Variants in IQGAP1 observed in about 807,000 individuals in gnomAD.
IQGAP1 encodes the protein IQ motif containing GTPase activating protein 1.
A neutral mutation model predicts 215.6 loss-of-function variants in IQGAP1; 66 were observed. The observed-to-expected ratio is 0.31, with a 90% CI of 0.25 to 0.38. IQGAP1 has a LOEUF of 0.38. IQGAP1 is among the 10% of genes least tolerant of loss of function. The pLI is 1.00. For missense variants in IQGAP1, 1,712 were observed against 1,997.1 expected (o/e 0.86, Z 2.72); for synonymous variants, 772 against 728.7 (o/e 1.06, Z -0.96).
chr15:90,424,553 T>C (rs567063545), intron 2 of IQGAP1, among the ~76,000 whole-genome samples: 1 of 152,338 alleles, frequency 6.6e-6, no homozygotes, highest in East Asian at 1.9e-4. Flanking sequence ...AAAGCAAGAC[T>C]GAGCTGGGAA....
At chr15:90,488,262 A>AAATAAATC (rs1424757693) in intron 33 of IQGAP1, among the ~76,000 whole-genome samples, 1 of 151,502 alleles carries the variant, frequency 6.6e-6, no homozygotes, top group Non-Finnish European at 1.5e-5. Context: ...ATAAATAAAT[A>AAATAAATC]AAATGTTGTA....
At chr15:90,402,712 T>A (rs559668988) in intron 2 of IQGAP1, among the ~76,000 whole-genome samples, 1 of 151,912 alleles carries the variant, frequency 6.6e-6, no homozygotes, top group African/African-American at 2.4e-5. Context: ...TAACTGGTGA[T>A]CCTAAAAACA....
At chr15:90,416,744 A>G (rs1965056434) in intron 2 of IQGAP1, among the ~76,000 whole-genome samples, 2 of 151,778 alleles carry the variant, frequency 1.3e-5, no homozygotes, top group Admixed American at 1.3e-4. Flanking sequence ...CGCCCAGCTA[A>G]TTTTTTGTAT....
chr15:90,434,701 G>A (rs188284782), intron 5 of IQGAP1, among the ~76,000 whole-genome samples: 62 of 152,150 alleles, frequency 4.1e-4, no homozygotes, highest in Non-Finnish European at 4.4e-5. Flanking sequence ...GAAGTGTTTT[G>A]GATTTTGAAG....
At position 90,452,765 on chromosome 15, in the gene IQGAP1, T is replaced by C; in HGVS notation, c.1163-10T>C. 6.2e-7 allele frequency: 1 copy of C among 1,613,382 alleles called. No homozygotes were observed. ...GCCCACTGCGTTTCTGACTCCTGTT[T>C]TTTACACAGGATTGGCAGCAGTAGC... is the stretch of plus-strand genomic sequence containing the variant. On this transcript the variant is annotated splice_polypyrimidine_tract_variant and intron_variant, in intron 11 of 37. Transcript: ENST00000268182.
intron 29 of IQGAP1, 90 bp downstream of exon 29, chr15:90,483,683 T>C: frequency 1.1e-6 from 1 of 876,462 alleles, no homozygotes; most frequent in South Asian, 1.5e-5. Context: ...ACCTCTCACT[T>C]TCCCCGGACT....
At position 90,487,096 on chromosome 15, in the gene IQGAP1, A is replaced by T. The variant is rs1966137539; in HGVS notation, c.4160+7A>T. The T allele has an allele frequency of 6.2e-7, 1 of 1,613,750 alleles. No individual in the cohort carries two copies. Among genetic ancestry groups the T allele is most frequent in the South Asian group, 1.1e-5 (1 of 91,038 alleles). ...CTCGAACCATCTTACTGAAGTGAGTATCAAAAGAAGGAAGAATGAAATGAA... is the reference window on the plus strand; with the variant it reads ...CTCGAACCATCTTACTGAAGTGAGTTTCAAAAGAAGGAAGAATGAAATGAA... On this transcript the variant is annotated splice_region_variant and intron_variant, in intron 32 of 37. Coordinates refer to ENST00000268182, the MANE Select transcript of IQGAP1 (RefSeq NM_003870.4).
At chr15:90,446,240 AC>A (rs1436093160) in intron 9 of IQGAP1, among the ~76,000 whole-genome samples, 1 of 152,130 alleles carries the variant, frequency 6.6e-6, no homozygotes, top group Non-Finnish European at 1.5e-5. Context: ...TTATAGTTTT[AC>A]CTTGCTAATT....
chr15:90,414,177 G>A (rs960370441), intron 2 of IQGAP1, among the ~76,000 whole-genome samples: 3 of 152,020 alleles, frequency 2.0e-5, no homozygotes, highest in Non-Finnish European at 4.4e-5. Flanking sequence ...GAAGTTGGCT[G>A]GGTGCAGTGA....
In IQGAP1 at chr15:90,453,265, C is replaced by T. The variant is rs1312776033; in HGVS notation, c.1460C>T (p.Thr487Ile). Residue 487 changes from threonine to isoleucine, a missense_variant, in exon 13 of 38, where the codon ACC becomes ATC. By Grantham distance (89) the Thr-to-Ile change is moderately conservative. Transcript: ENST00000268182. ...TTGAGCAGTTCAGTTACTGGTCTTA[C>T]CAATATTGAGGAAGAAAACTGTCAG... ...KQLSSSVTGL[T>I]NIEEENCQRY... is the part of the protein sequence containing the mutation. The T allele has an allele frequency of 1.1e-5, 17 of 1,612,762 alleles. No individual in the cohort carries two copies. Among genetic ancestry groups the T allele is most frequent in the African/African-American group, 1.3e-5 (1 of 74,838 alleles).
rs1965332961 is a variant in IQGAP1 at position 90,433,700 on chromosome 15, T to G, written c.391-19T>G. 1 of 1,457,430 alleles carries G rather than the reference T, an allele frequency of 6.9e-7. No individual in the cohort carries two copies. The highest frequency in any genetic ancestry group is 9.6e-7 in the Non-Finnish European group (1 of 1,044,396). The allele number at this position is 1,457,430 out of a possible 1,614,324, so 90.3% of individuals were successfully genotyped here. On this transcript the variant is annotated intron_variant, in intron 4 of 37. Transcript: ENST00000268182. The stretch of plus-strand genomic sequence containing the variant: ...ACAGTGAATGGATATCTTACTCTGT[T>G]TCTTTTATTTCTCCCTAGATTTTTT...
chr15:90,417,820 C>T (rs1013119211), intron 2 of IQGAP1, among the ~76,000 whole-genome samples: 26 of 152,256 alleles, frequency 1.7e-4, no homozygotes, highest in African/African-American at 5.5e-4. Context: ...GCCATTTTCA[C>T]GATATTGATT....
At chr15:90,426,013 A>C (rs1011080807) in intron 2 of IQGAP1, 97 bp from the exon 3 acceptor site, 1 of 1,175,262 alleles carries the variant, frequency 8.5e-7, no homozygotes, top group Admixed American at 2.8e-5. Flanking sequence ...TGTTCAGTTT[A>C]AGCTTCTCCA....
At chr15:90,395,557 T>C (rs1300894488) in intron 2 of IQGAP1, among the ~76,000 whole-genome samples, 1 of 152,198 alleles carries the variant, frequency 6.6e-6, no homozygotes, top group Admixed American at 6.5e-5. Flanking sequence ...CCTGACCTCG[T>C]GATCCGCCCG....
At position 90,500,090 on chromosome 15, in the gene IQGAP1, A is replaced by C. The variant is rs1401576090; in HGVS notation, c.4956A>C (p.Lys1652Asn). 6.2e-7 allele frequency: 1 copy of C among 1,603,788 alleles called. No homozygotes were observed. The highest frequency in any genetic ancestry group is 8.5e-7 in the Non-Finnish European group (1 of 1,170,678). ...NVNLLIFLLN[K>N]KFYGK is the part of the protein sequence containing the mutation. ...ACCTCCTGATCTTCCTTCTCAACAA[A>C]AAGTTCTACGGGAAGTAATTGATCG... is the stretch of plus-strand genomic sequence containing the variant. The change falls in exon 38 of 38, where the codon AAA (lysine) becomes AAC (asparagine). Residue 1652 changes from lysine to asparagine, a missense_variant. By Grantham distance (94) the Lys-to-Asn change is moderately conservative. This residue lies in a region of IQGAP1 where 691 missense variants were observed against 923.0 expected (regional missense o/e 0.75). Coordinates refer to ENST00000268182, the MANE Select transcript of IQGAP1 (RefSeq NM_003870.4).
At chr15:90,471,173 GT>G (rs770721455) in intron 18 of IQGAP1, among the ~76,000 whole-genome samples, 47 of 152,074 alleles carry the variant, frequency 3.1e-4, no homozygotes, top group Non-Finnish European at 5.4e-4. Context: ...AGTGTATAAG[GT>G]TGTATTTTTA....
intron 28 of IQGAP1, 56 bp downstream of exon 28, chr15:90,482,337 AG>A (rs1966070870): frequency 6.5e-7 from 1 of 1,527,712 alleles, no homozygotes; most frequent in South Asian, 1.1e-5. Flanking sequence ...CAATAAAACC[AG>A]GGCTGACCAT....
chr15:90,457,454 T>C (rs1033163832), intron 15 of IQGAP1, among the ~76,000 whole-genome samples: 1 of 151,600 alleles, frequency 6.6e-6, no homozygotes, highest in African/African-American at 2.4e-5. Context: ...TGAGACGGAG[T>C]CTTGCTCTGT....
chr15:90,464,456 A>G (rs1261793679), intron 15 of IQGAP1, among the ~76,000 whole-genome samples: 1 of 152,208 alleles, frequency 6.6e-6, no homozygotes, highest in African/African-American at 2.4e-5. Context: ...AGGTAGAAGT[A>G]GAATCCTATT....
Sources: gnomAD v4.1 joint callset for allele counts (sites outside exome capture counted in the v4.1 genomes callset) on GRCh38, gnomAD v4.1.1 for gene constraint, gnomAD v4.1.1 regional missense constraint, MANE v1.5 for transcripts, NCBI Gene and HGNC (gene_info 2026-07-23, HGNC 2026-07-21) for gene names.